Variants in LHFPL4 observed in about 807,000 individuals in gnomAD.
LHFPL4 encodes LHFPL tetraspan subfamily member 4 protein.
In LHFPL4, 6 loss-of-function variants were observed where a neutral mutation model predicts 20.0. The ratio of observed to expected loss-of-function variants is 0.30; its 90% CI spans 0.16 to 0.59. The LOEUF (loss-of-function observed/expected upper bound fraction) is 0.59. Ranked by LOEUF, LHFPL4 falls within the 20% of genes least tolerant of loss-of-function variation. LHFPL4 has a pLI of 0.88. For missense variants in LHFPL4, 215 were observed against 331.2 expected, an observed-to-expected ratio of 0.65 and a Z score of 2.72; for synonymous variants, 129 against 143.8, an observed-to-expected ratio of 0.90 and a Z score of 0.74.
rs565884318 is a variant in LHFPL4 at position 9,535,589 on chromosome 3, C to G, written c.406+16685G>C. On this transcript the variant is annotated intron_variant, in intron 2 of 3. Coordinates refer to ENST00000287585, the MANE Select transcript of LHFPL4 (RefSeq NM_198560.3). ...ATAATTTTTAAAAAGCAATAAAACT[C>G]TTAGAAAAGGTGAGATATACAAAGA... is the stretch of plus-strand genomic sequence containing the variant. Among the ~76,000 whole-genome samples the G allele has an allele frequency of 1.8e-4, 26 of 143,124 alleles. No individual in the cohort carries two copies. In the East Asian group the frequency reaches 4.9e-3, roughly 27 times the overall value. The allele number at this position is 143,124 out of a possible 152,430, so 93.9% of individuals were successfully genotyped here.
chr3:9,534,817 G>A (rs1403909277), intron 2 of LHFPL4, among the ~76,000 whole-genome samples: 1 of 152,166 alleles, frequency 6.6e-6, no homozygotes, highest in African/African-American at 2.4e-5. Flanking sequence ...ACAGAAAAAT[G>A]AAACGTTTAA....
At chr3:9,548,775 G>C (rs191193126) in intron 2 of LHFPL4, among the ~76,000 whole-genome samples, 6 of 152,248 alleles carry the variant, frequency 3.9e-5, no homozygotes, top group African/African-American at 1.4e-4. Context: ...CATGTGGCTC[G>C]GGCCTTAGAC....
At chr3:9,510,044 A>C (rs2046246989) in intron 2 of LHFPL4, among the ~76,000 whole-genome samples, 1 of 152,300 alleles carries the variant, frequency 6.6e-6, no homozygotes, top group Middle Eastern at 3.4e-3. Flanking sequence ...TTTGACATTC[A>C]AGCTAGATGA....
chr3:9,524,585 T>C (rs1288181714), intron 2 of LHFPL4, among the ~76,000 whole-genome samples: 1 of 152,224 alleles, frequency 6.6e-6, no homozygotes, highest in Non-Finnish European at 1.5e-5. Context: ...TTTTTATCTC[T>C]AGCATTTATT....
intron 2 of LHFPL4, among the ~76,000 whole-genome samples, chr3:9,520,008 C>T (rs1481515875): frequency 1.3e-5 from 2 of 152,066 alleles, no homozygotes; most frequent in Admixed American, 6.6e-5. Context: ...ATTTGCTCTT[C>T]TTTTTCTAGC....
intron 2 of LHFPL4, among the ~76,000 whole-genome samples, chr3:9,516,614 C>A (rs548013697): frequency 1.3e-5 from 2 of 151,700 alleles, no homozygotes; most frequent in Non-Finnish European, 2.9e-5. Flanking sequence ...GCTGAGACTA[C>A]AGGCACACAC....
intron 2 of LHFPL4, among the ~76,000 whole-genome samples, chr3:9,532,974 C>T (rs2542347): frequency 0.041 from 6,185 of 152,272 alleles, 174 homozygotes; most frequent in Non-Finnish European, 0.061. Flanking sequence ...CCCTGGAGGA[C>T]AGTGCGGGGC....
Position 9,506,563 on chromosome 3 carries a change from T to C in LHFPL4, c.407-360A>G, listed in dbSNP as rs1220267739. 1.3e-5 allele frequency among the ~76,000 whole-genome samples: 2 copies of C among 152,102 alleles called. No homozygotes were observed. The highest frequency in any genetic ancestry group is 2.9e-5 in the Non-Finnish European group (2 of 68,020). On this transcript the variant is annotated intron_variant, in intron 2 of 3. Transcript: ENST00000287585. This position sits in a 1 kb window ranked among gnomAD's most constrained non-coding sequence, Gnocchi z 4.5. Reference sequence around the variant, plus strand: ...ACTCCCTCTCCCATCTCTCCCATCCTCATTATTATTATTATTGTTGTCGTT... The same window carrying C: ...ACTCCCTCTCCCATCTCTCCCATCCCCATTATTATTATTATTGTTGTCGTT...
chr3:9,503,421 C>T (rs2046193308), intron 3 of LHFPL4, among the ~76,000 whole-genome samples: 1 of 152,228 alleles, frequency 6.6e-6, no homozygotes. Flanking sequence ...CACACCAAAA[C>T]CACAGTAATC....
chr3:9,534,782 T>C (rs748699603), intron 2 of LHFPL4, among the ~76,000 whole-genome samples: 6 of 152,194 alleles, frequency 3.9e-5, no homozygotes, highest in Non-Finnish European at 7.3e-5. Flanking sequence ...ATGTAACTTA[T>C]AGAAATCATG....
intron 2 of LHFPL4, among the ~76,000 whole-genome samples, chr3:9,543,129 G>A (rs2046488269): frequency 6.6e-6 from 1 of 152,088 alleles, no homozygotes; most frequent in African/African-American, 2.4e-5. Context: ...AAGGGGGTGG[G>A]CAGTGTGGCT....
chr3:9,523,891 T>C (rs1278471884), intron 2 of LHFPL4, among the ~76,000 whole-genome samples: 2 of 152,182 alleles, frequency 1.3e-5, no homozygotes, highest in African/African-American at 4.8e-5. Flanking sequence ...TGGTAACAAA[T>C]TCTCTCAACT....
chr3:9,548,680 C>A (rs1390463029), intron 2 of LHFPL4, among the ~76,000 whole-genome samples: 1 of 152,178 alleles, frequency 6.6e-6, no homozygotes, highest in Non-Finnish European at 1.5e-5. Context: ...CCCATGCTAC[C>A]CCTCTTCCAG....
At chr3:9,530,842 C>T (rs556288992) in intron 2 of LHFPL4, among the ~76,000 whole-genome samples, 1 of 152,246 alleles carries the variant, frequency 6.6e-6, no homozygotes, top group East Asian at 1.9e-4. Context: ...AGAAATCCTC[C>T]TGCCTCAGCC....
At chr3:9,517,815 T>TG (rs1559517277) in intron 2 of LHFPL4, among the ~76,000 whole-genome samples, 2 of 150,494 alleles carry the variant, frequency 1.3e-5, no homozygotes, top group African/African-American at 4.9e-5. Context: ...TTTGTTTTTT[T>TG]TTTTTTGCTT....
At chr3:9,539,187 G>A (rs983194404) in intron 2 of LHFPL4, among the ~76,000 whole-genome samples, 2 of 152,110 alleles carry the variant, frequency 1.3e-5, no homozygotes. Flanking sequence ...GGGCATGGTG[G>A]CTCACACCTG....
chr3:9,540,145 A>T lies in LHFPL4; in HGVS notation c.406+12129T>A, dbSNP rs908865887. 9.2e-5 allele frequency among the ~76,000 whole-genome samples: 14 copies of T among 152,220 alleles called. No homozygotes were observed. In the East Asian group the frequency reaches 9.6e-4, roughly 10 times the overall value. ...ATGTATTAGATTATTTACATATAAC[A>T]TTATTAACTGAAGCATTATTATAGC... On this transcript the variant is annotated intron_variant, in intron 2 of 3. Coordinates refer to ENST00000287585, the MANE Select transcript of LHFPL4 (RefSeq NM_198560.3).
intron 2 of LHFPL4, among the ~76,000 whole-genome samples, chr3:9,541,010 G>A (rs2046473191): frequency 1.3e-5 from 2 of 151,970 alleles, no homozygotes; most frequent in South Asian, 4.2e-4. Context: ...CATGATCTCA[G>A]CTCACTGCAA....
intron 2 of LHFPL4, among the ~76,000 whole-genome samples, chr3:9,524,873 G>C (rs985352342): frequency 6.6e-6 from 1 of 152,168 alleles, no homozygotes; most frequent in East Asian, 1.9e-4. Context: ...TAGGCTTTTA[G>C]TGATGTGGTG....
Sources: allele counts gnomAD v4.1 joint callset (sites outside exome capture counted in the v4.1 genomes callset), GRCh38; gene constraint gnomAD v4.1.1; non-coding constraint Gnocchi (gnomAD v3.1); transcripts MANE v1.5; gene names NCBI Gene and HGNC (gene_info 2026-07-23, HGNC 2026-07-21).